HS2ST1: variants seen among roughly 807,000 people sequenced by gnomAD.
The protein encoded by HS2ST1 is 2-O-sulfotransferase.
In HS2ST1, 18 loss-of-function variants were observed where a neutral mutation model predicts 42.9. The observed-to-expected ratio is 0.42, with a 90% CI of 0.29 to 0.62. HS2ST1 has a LOEUF of 0.62. Ranked by LOEUF, HS2ST1 falls within the 20% of genes least tolerant of loss-of-function variation. The pLI is 0.21. For missense variants in HS2ST1, 334 were observed against 433.8 expected (o/e 0.77, Z 2.04); for synonymous variants, 146 against 152.9 (o/e 0.95, Z 0.33).
chr1:86,974,422 C>T (rs1007710932), intron 1 of HS2ST1, among the ~76,000 whole-genome samples: 1 of 152,162 alleles, frequency 6.6e-6, no homozygotes, highest in Non-Finnish European at 1.5e-5. Context: ...TTCCATTTGG[C>T]TGTTTCTGAG....
chr1:86,952,294 G>A (rs1647541122), intron 1 of HS2ST1, among the ~76,000 whole-genome samples: 1 of 152,188 alleles, frequency 6.6e-6, no homozygotes, highest in Non-Finnish European at 1.5e-5. Context: ...CTGGAGTCCT[G>A]TGGTGTGATC....
chr1:86,962,959 T>G (rs1048890244), intron 1 of HS2ST1, among the ~76,000 whole-genome samples: 4 of 152,162 alleles, frequency 2.6e-5, no homozygotes, highest in African/African-American at 4.8e-5. Context: ...AGGTAGTGAT[T>G]CTCCTCTAGT....
intron 1 of HS2ST1, among the ~76,000 whole-genome samples, chr1:86,936,450 C>G (rs1293460708): frequency 6.6e-6 from 1 of 152,090 alleles, no homozygotes; most frequent in Non-Finnish European, 1.5e-5. Flanking sequence ...GTTGATTTCT[C>G]TAATATCTGA....
intron 1 of HS2ST1, among the ~76,000 whole-genome samples, chr1:86,944,643 T>G (rs1463594055): frequency 1.3e-5 from 2 of 152,140 alleles, no homozygotes; most frequent in Non-Finnish European, 2.9e-5. Flanking sequence ...CGTGAGCCAC[T>G]GTGCCCTGCC....
At chr1:87,007,931 ATCT>A (rs1235876774) in intron 1 of HS2ST1, among the ~76,000 whole-genome samples, 11 of 152,202 alleles carry the variant, frequency 7.2e-5, no homozygotes, top group Admixed American at 3.9e-4. Context: ...GTAAAAATCT[ATCT>A]TCTTATTTGC....
intron 2 of HS2ST1, among the ~76,000 whole-genome samples, chr1:87,075,027 C>T (rs980488212): frequency 9.2e-5 from 14 of 151,838 alleles, no homozygotes; most frequent in African/African-American, 2.9e-4. Context: ...TAAGCTTCAT[C>T]TAAATGTAAA....
intron 1 of HS2ST1, among the ~76,000 whole-genome samples, chr1:87,027,070 G>C (rs1310801690): frequency 6.6e-6 from 1 of 152,112 alleles, no homozygotes; most frequent in African/African-American, 2.4e-5. Flanking sequence ...ATATGAGTAA[G>C]TTAACAGTAG....
chr1:86,967,403 A>G (rs1047150685), intron 1 of HS2ST1, among the ~76,000 whole-genome samples: 1 of 152,186 alleles, frequency 6.6e-6, no homozygotes, highest in Non-Finnish European at 1.5e-5. Flanking sequence ...TCACCAAAGT[A>G]GTGTACATTG....
chr1:86,987,755 C>T (rs2102227683), intron 1 of HS2ST1, among the ~76,000 whole-genome samples: 1 of 152,300 alleles, frequency 6.6e-6, no homozygotes, highest in South Asian at 2.1e-4. Context: ...TTGCTGTTTA[C>T]AAGTCAAATG....
chr1:87,059,524 A>T (rs1651065220), intron 1 of HS2ST1, among the ~76,000 whole-genome samples: 1 of 152,240 alleles, frequency 6.6e-6, no homozygotes, highest in African/African-American at 2.4e-5. Flanking sequence ...GTCTTAATAA[A>T]GCTCAAGAAA....
At chr1:86,953,577 T>C (rs1354630528) in intron 1 of HS2ST1, among the ~76,000 whole-genome samples, 1 of 152,072 alleles carries the variant, frequency 6.6e-6, no homozygotes, top group Non-Finnish European at 1.5e-5. Flanking sequence ...CTGGCCAACA[T>C]GGTGAAACCC....
chr1:86,965,462 GGT>G (rs1342790916), intron 1 of HS2ST1, among the ~76,000 whole-genome samples: 1 of 151,912 alleles, frequency 6.6e-6, no homozygotes, highest in Non-Finnish European at 1.5e-5. Flanking sequence ...GAGACCTTAG[GGT>G]GTTGTTGAGC....
At chr1:87,034,558 T>C (rs1349953438) in intron 1 of HS2ST1, among the ~76,000 whole-genome samples, 1 of 152,228 alleles carries the variant, frequency 6.6e-6, no homozygotes, top group East Asian at 1.9e-4. Context: ...AATGCAAATA[T>C]TGTACTCTAG....
At position 87,007,562 on chromosome 1, in the gene HS2ST1, C is replaced by T. The variant is rs78439957; in HGVS notation, c.125-65372C>T. Among the ~76,000 whole-genome samples the T allele has an allele frequency of 1.3e-3, 199 of 152,224 alleles. 4 individuals are homozygous for T. In the East Asian group the frequency reaches 0.032, roughly 24 times the overall value. On this transcript the variant is annotated intron_variant, in intron 1 of 6. Transcript: ENST00000370550. The stretch of plus-strand genomic sequence containing the variant: ...TAAAATGTGATAGGAGAAACCACCT[C>T]CTGTTTCACTTCATACCTGTTACTT...
chr1:87,102,732 A>G (rs889892394), intron 5 of HS2ST1, among the ~76,000 whole-genome samples: 2 of 152,212 alleles, frequency 1.3e-5, no homozygotes, highest in African/African-American at 4.8e-5. Context: ...AAACCAATTA[A>G]TCACTGTTCC....
intron 1 of HS2ST1, among the ~76,000 whole-genome samples, chr1:86,997,681 A>G (rs1649147351): frequency 6.6e-6 from 1 of 152,114 alleles, no homozygotes; most frequent in Non-Finnish European, 1.5e-5. Context: ...ACCCCCCAGT[A>G]GATGCCTGAA....
chr1:86,919,224 C>T (rs1259984449), intron 1 of HS2ST1, among the ~76,000 whole-genome samples: 4 of 152,086 alleles, frequency 2.6e-5, no homozygotes, highest in Middle Eastern at 3.2e-3. Context: ...GGATTACAGG[C>T]ATGAGCCACT....
intron 1 of HS2ST1, among the ~76,000 whole-genome samples, chr1:87,057,565 C>CTTTT (rs33933183): frequency 3.5e-5 from 5 of 141,328 alleles, no homozygotes; most frequent in African/African-American, 5.2e-5. Context: ...CCAGAAGGCA[C>CTTTT]TTTTTTTTTT....
Position 87,105,792 on chromosome 1 carries a change from A to T in HS2ST1, c.*1096A>T, listed in dbSNP as rs1652313812. ...TCTCATTTAACTTTACTGTTAAGACATCACTGAAATGAACTTCAGTAAGCT... is the reference window on the plus strand; with the variant it reads ...TCTCATTTAACTTTACTGTTAAGACTTCACTGAAATGAACTTCAGTAAGCT... On this transcript the variant is annotated 3_prime_UTR_variant, in exon 7 of 7. Transcript: ENST00000370550. 6.6e-6 allele frequency: 1 copy of T among 152,554 alleles called. No individual in the cohort carries two copies. Among genetic ancestry groups the T allele is most frequent in the African/African-American group, 2.4e-5 (1 of 41,466 alleles). The allele number at this position is 152,554 out of a possible 1,614,324, so 9.5% of individuals were successfully genotyped here. A position where few individuals can be genotyped will look rare whatever the true frequency, so the allele number is the denominator to read the frequency against.
Sources: allele counts gnomAD v4.1 joint callset (sites outside exome capture counted in the v4.1 genomes callset), GRCh38; gene constraint gnomAD v4.1.1; transcripts MANE v1.5; gene names NCBI Gene and HGNC (gene_info 2026-07-23, HGNC 2026-07-21).